CNTNAP5: variants seen among roughly 807,000 people sequenced by gnomAD.
CNTNAP5 encodes the protein contactin-associated protein-like 5.
Under a neutral mutation model 150.2 loss-of-function variants are expected in CNTNAP5, and 72 were observed. That is an observed-to-expected ratio of 0.48 (90% CI 0.40 to 0.58). The LOEUF (loss-of-function observed/expected upper bound fraction) is 0.58, where lower values mean the gene tolerates loss of function less well. CNTNAP5 is among the 20% of genes least tolerant of loss of function. The pLI is 0.00. For synonymous variants in CNTNAP5, 672 were observed against 619.8 expected, an observed-to-expected ratio of 1.08 and a Z score of -1.25; for missense variants, 1,636 against 1,626.2, an observed-to-expected ratio of 1.01 and a Z score of -0.10.
At chr2:124,440,235 AG>A (rs751630930) in intron 5 of CNTNAP5, among the ~76,000 whole-genome samples, 6 of 152,210 alleles carry the variant, frequency 3.9e-5, no homozygotes, top group Non-Finnish European at 8.8e-5. Flanking sequence ...GACAAATTAA[AG>A]GTGGGTGGGA....
chr2:124,655,974 A>AGAAAGAAAGAAAGAAAGAAG (rs1558722506), intron 13 of CNTNAP5, among the ~76,000 whole-genome samples: 24 of 147,856 alleles, frequency 1.6e-4, no homozygotes, highest in African/African-American at 5.5e-4. Context: ...AAAGAAAGAA[A>AGAAAGAAAGAAAGAAAGAAG]GAAAGAAAGA....
intron 3 of CNTNAP5, among the ~76,000 whole-genome samples, chr2:124,410,977 C>T (rs542228850): frequency 1.2e-4 from 18 of 151,680 alleles, no homozygotes; most frequent in Admixed American, 3.9e-4. Context: ...ATTGATAGAC[C>T]GCTAGCAGGA....
intron 13 of CNTNAP5, among the ~76,000 whole-genome samples, chr2:124,707,247 G>A (rs1679710446): frequency 2.6e-5 from 4 of 151,988 alleles, no homozygotes; most frequent in Non-Finnish European, 1.5e-5. Context: ...AGGAGAGGGC[G>A]AGAGTCCCTG....
intron 1 of CNTNAP5, among the ~76,000 whole-genome samples, chr2:124,181,882 A>G (rs1385569571): frequency 2.0e-5 from 3 of 152,182 alleles, no homozygotes; most frequent in African/African-American, 7.2e-5. Context: ...TTTAATATAC[A>G]CAGCAGGATT....
intron 18 of CNTNAP5, 30 bp from the exon 19 acceptor site, chr2:124,798,066 A>G (rs763306728): frequency 6.5e-7 from 1 of 1,527,156 alleles, no homozygotes; most frequent in South Asian, 1.2e-5. Flanking sequence ...AAAGGTTTCA[A>G]TGTGTGCTCT....
In CNTNAP5 at chr2:124,902,920, G is replaced by A. The variant is rs768280403; in HGVS notation, c.3475G>A (p.Ala1159Thr). 1 of 1,612,142 alleles carries A rather than the reference G, an allele frequency of 6.2e-7. No homozygotes were observed. The highest frequency in any genetic ancestry group is 8.5e-7 in the Non-Finnish European group (1 of 1,178,570). ...GGATTCTGAAGTTGCTAAAGCAAAT[G>A]CCATGGGTTTTGCTGGATGCATGTC... is the stretch of plus-strand genomic sequence containing the variant. ...GLDSEVAKAN[A>T]MGFAGCMSSV... Residue 1159 changes from alanine (A) to threonine (T), a missense_variant, in exon 22 of 24, where the codon GCC becomes ACC. Physicochemically the swap from Ala to Thr is moderately conservative, Grantham distance 58. Transcript: ENST00000682447.
At chr2:124,196,156 A>C (rs1685579356) in intron 1 of CNTNAP5, among the ~76,000 whole-genome samples, 1 of 152,168 alleles carries the variant, frequency 6.6e-6, no homozygotes, top group South Asian at 2.1e-4. Context: ...CAATGGCTTA[A>C]ATTGTTCAAG....
intron 1 of CNTNAP5, among the ~76,000 whole-genome samples, chr2:124,138,211 A>G (rs1279487493): frequency 6.6e-6 from 1 of 152,192 alleles, no homozygotes; most frequent in African/African-American, 2.4e-5. Flanking sequence ...CTGATGAGAC[A>G]CTAAGTGTAC....
At chr2:124,536,691 G>A (rs1472132710) in intron 10 of CNTNAP5, among the ~76,000 whole-genome samples, 2 of 152,136 alleles carry the variant, frequency 1.3e-5, no homozygotes, top group South Asian at 2.1e-4. Context: ...ATGGGCTTGG[G>A]TAGCCAGAGC....
chr2:124,911,397 G>A (rs1382218336), intron 22 of CNTNAP5, 70 bp from the exon 23 acceptor site: 4 of 1,115,386 alleles, frequency 3.6e-6, no homozygotes, highest in Non-Finnish European at 5.3e-6. Flanking sequence ...ATTCCAGGTG[G>A]GCCACACTGT....
intron 19 of CNTNAP5, among the ~76,000 whole-genome samples, chr2:124,823,336 C>T (rs1290770436): frequency 6.6e-6 from 1 of 152,124 alleles, no homozygotes; most frequent in African/African-American, 2.4e-5. Flanking sequence ...TACAAACTAT[C>T]GTGTTGGATG....
chr2:124,394,591 C>T lies in CNTNAP5; in HGVS notation c.382-22852C>T, dbSNP rs77345385. ...CAAGAAGGAGAAGTTATATATTGAA[C>T]ACTCAATGAGGATTTGCTATATTCA... On this transcript the variant is annotated intron_variant, in intron 3 of 23. Transcript: ENST00000682447. Among the ~76,000 whole-genome samples, 1,321 of 152,220 alleles carry T rather than the reference C, an allele frequency of 8.7e-3. 29 individuals carry two copies. Among genetic ancestry groups the T allele is most frequent in the East Asian group, 0.085 (436 of 5,152 alleles).
At chr2:124,759,938 CTTTTTTTTTTTTTTTTTT>C (rs571408475) in intron 14 of CNTNAP5, among the ~76,000 whole-genome samples, 1 of 83,646 alleles carries the variant, frequency 1.2e-5, no homozygotes, top group Non-Finnish European at 2.2e-5. Context: ...ACTCCTCGGT[CTTTTTTTTTTTTTTTTTT>C]TTTTTTTTTA....
intron 1 of CNTNAP5, among the ~76,000 whole-genome samples, chr2:124,188,655 C>G (rs1413694370): frequency 1.5e-5 from 2 of 133,328 alleles, no homozygotes; most frequent in Non-Finnish European, 3.1e-5. Flanking sequence ...GGAGGCAGAG[C>G]TTGCAGTGAG....
intron 21 of CNTNAP5, among the ~76,000 whole-genome samples, chr2:124,902,045 A>G (rs1482583849): frequency 6.6e-6 from 1 of 152,154 alleles, no homozygotes; most frequent in East Asian, 1.9e-4. Flanking sequence ...TCGGTACGTG[A>G]AGACTATTAC....
At chr2:124,187,380 G>A (rs1685359749) in intron 1 of CNTNAP5, among the ~76,000 whole-genome samples, 3 of 152,158 alleles carry the variant, frequency 2.0e-5, no homozygotes, top group South Asian at 2.1e-4. Context: ...AGATCTGCCT[G>A]ATTTCAGTGG....
In CNTNAP5 at chr2:124,914,812, G is replaced by T. The variant is rs567831963; in HGVS notation, c.*524G>T. 4.2e-3 allele frequency: 634 copies of T among 152,420 alleles called. 1 individual carries two copies. The highest frequency in any genetic ancestry group is 6.5e-3 in the Non-Finnish European group (443 of 68,254). 9.4% of individuals were successfully genotyped at this position (152,420 alleles called of 1,614,324 possible). ...AGAGAGGTTTGGTTTGTGGTGGTTT[G>T]CTTTCTTTACCATAAGCAATCCCTT... On this transcript the variant is annotated 3_prime_UTR_variant, in exon 24 of 24. Coordinates refer to ENST00000682447, the MANE Select transcript of CNTNAP5 (RefSeq NM_001367498.1).
chr2:124,341,014 G>C (rs1012874447), intron 3 of CNTNAP5, among the ~76,000 whole-genome samples: 1 of 151,318 alleles, frequency 6.6e-6, no homozygotes, highest in African/African-American at 2.4e-5. Flanking sequence ...GCAGTTCCAG[G>C]CTGCAGTGAG....
chr2:124,528,766 A>G (rs1272903826), intron 10 of CNTNAP5, among the ~76,000 whole-genome samples: 2 of 152,108 alleles, frequency 1.3e-5, no homozygotes, highest in Non-Finnish European at 2.9e-5. Flanking sequence ...CCACAGAGGA[A>G]GGTGGCTAGC....
Sources: allele counts gnomAD v4.1 joint callset (sites outside exome capture counted in the v4.1 genomes callset), GRCh38; gene constraint gnomAD v4.1.1; transcripts MANE v1.5; gene names NCBI Gene and HGNC (gene_info 2026-07-23, HGNC 2026-07-21).